Variants in HEATR6 observed in about 807,000 individuals in gnomAD.
HEATR6 encodes the protein HEAT repeat-containing protein 6.
HEATR6 carries 106 observed loss-of-function variants against 132.8 expected under a neutral mutation model. That is an observed-to-expected ratio of 0.80 (90% confidence interval 0.68 to 0.94). The LOEUF is 0.94. HEATR6 is among the 40% of genes least tolerant of loss of function. The pLI is 0.00. For missense variants in HEATR6, 1,339 were observed against 1,425.1 expected (o/e 0.94, Z 0.97); for synonymous variants, 529 against 537.8 (o/e 0.98, Z 0.23).
chr17:60,049,524 AG>A, intron 16 of HEATR6, 55 bp downstream of exon 16: 1 of 1,601,260 alleles, frequency 6.2e-7, no homozygotes, highest in Non-Finnish European at 8.5e-7. Flanking sequence ...TCCACAAAAT[AG>A]GGGTGTCATG....
chr17:60,050,878 A>G lies in HEATR6; in HGVS notation c.2389T>C (p.Ser797Pro). Residue 797 changes from serine (S) to proline (P), a missense_variant, in exon 15 of 20, where the codon TCT becomes CCT. Physicochemically the swap from Ser to Pro is moderately conservative, Grantham distance 74. Transcript: ENST00000184956. ...CTGAAGGCCTCTGGCAAGATGGAAG[A>G]CAGGGCATCACAGGCGCTCGCCTGG... Reference protein sequence around the residue: ...TLQASACDALSSILPEAFSNL... With the variant: ...TLQASACDALPSILPEAFSNL... 6.2e-7 allele frequency: 1 copy of G among 1,614,226 alleles called. No homozygotes were observed. The highest frequency in any genetic ancestry group is 1.1e-5 in the South Asian group (1 of 91,090).
chr17:60,055,660 A>T (rs911358923), intron 13 of HEATR6, 59 bp from the exon 14 acceptor site: 1 of 1,196,082 alleles, frequency 8.4e-7, no homozygotes, highest in African/African-American at 1.5e-5. Context: ...ACTTCACTTG[A>T]GTAACACCTT....
chr17:60,070,664 T>A (rs2083265509), intron 6 of HEATR6, 42 bp downstream of exon 6: 5 of 1,168,286 alleles, frequency 4.3e-6, no homozygotes, highest in Non-Finnish European at 6.5e-6. Flanking sequence ...GTACCATGGG[T>A]TGAAACAGGA....
intron 12 of HEATR6, 42 bp downstream of exon 12, chr17:60,057,006 T>C (rs1382246512): frequency 2.1e-6 from 3 of 1,429,138 alleles, no homozygotes; most frequent in African/African-American, 1.4e-5. Context: ...GAAGGAGGAA[T>C]GGTTACTTCC....
At chr17:60,064,829 A>C (rs740646) in intron 9 of HEATR6, 1 of 152,148 alleles carries the variant, frequency 6.6e-6, no homozygotes, top group East Asian at 1.9e-4. Flanking sequence ...TGAAGATATA[A>C]ACATCATGAA....
rs779880073 is a variant in HEATR6, at chr17:60,050,943, G to T, written c.2324C>A (p.Pro775His). ...TGAATTCTGCAGGGCTCTGGGTAAA[G>T]GACCGTTCAGCATCATAGTCCAGAA... ...VMFWTMMLNGPLPRALQNSEH... is the reference protein window; with the variant it reads ...VMFWTMMLNGHLPRALQNSEH... Residue 775 changes from proline (P) to histidine (H), a missense_variant, in exon 15 of 20, where the codon CCT becomes CAT. Transcript: ENST00000184956. The T allele has an allele frequency of 8.1e-6, 13 of 1,614,170 alleles. No individual in the cohort carries two copies. The highest frequency in any genetic ancestry group is 1.7e-5 in the Admixed American group (1 of 60,014).
intron 6 of HEATR6, 63 bp from the exon 7 acceptor site, chr17:60,069,911 C>A: frequency 6.4e-7 from 1 of 1,573,936 alleles, no homozygotes; most frequent in Non-Finnish European, 8.7e-7. Flanking sequence ...TAATCATAAA[C>A]CATTAATCAT....
intron 1 of HEATR6, 105 bp downstream of exon 1, chr17:60,078,591 A>G: frequency 1.1e-6 from 1 of 877,576 alleles, no homozygotes; most frequent in Non-Finnish European, 1.7e-6. Flanking sequence ...AAACTAAATC[A>G]TCAGGCGCGA....
intron 14 of HEATR6, among the ~76,000 whole-genome samples, chr17:60,054,606 T>C (rs1906685187): frequency 6.6e-6 from 1 of 152,254 alleles, no homozygotes; most frequent in East Asian, 1.9e-4. Flanking sequence ...TCTGTCCTGC[T>C]GGGTTTTGGA....
chr17:60,044,058 G>A lies in HEATR6; in HGVS notation c.3051C>T (p.Arg1017=). 1 of 1,614,210 alleles carries A rather than the reference G, an allele frequency of 6.2e-7. No individual in the cohort carries two copies. The highest frequency in any genetic ancestry group is 2.2e-5 in the East Asian group (1 of 44,894). The part of the protein sequence containing the change: ...VVTSCKNFKV[R]IRSAAALSVP... ...CGGAAAGGGCAGCTGCAGATCTGAT[G>A]CGCACTTTGAAGTTCTTGCATGATG... Residue 1017 remains arginine (R), a synonymous_variant, in exon 20 of 20, where the codon CGC becomes CGT. Coordinates refer to ENST00000184956, the MANE Select transcript of HEATR6 (RefSeq NM_022070.5).
chr17:60,052,497 A>C (rs556197071), intron 14 of HEATR6, among the ~76,000 whole-genome samples: 1 of 152,292 alleles, frequency 6.6e-6, no homozygotes, highest in East Asian at 1.9e-4. Context: ...TCTATCTAGC[A>C]AAGGGAGAAG....
chr17:60,063,840 G>A (rs1183746160), intron 9 of HEATR6: 1 of 152,172 alleles, frequency 6.6e-6, no homozygotes, highest in Admixed American at 6.6e-5. Context: ...CTGGCTAAGA[G>A]GAACTCCAGC....
Position 60,057,259 on chromosome 17 carries a change from G to A in HEATR6, c.1868C>T (p.Pro623Leu). The A allele has an allele frequency of 6.2e-7, 1 of 1,614,198 alleles. No individual in the cohort carries two copies. Among genetic ancestry groups the A allele is most frequent in the Non-Finnish European group, 8.5e-7 (1 of 1,180,034 alleles). ...AGGGGCTTTCTTCCACCAATCAGGA[G>A]GGCTGAGGTGAGGGGTTGCTGAATT... ...NSNSATPHLS[P>L]PDWWKKAPAG... The change falls in exon 12 of 20, where the codon CCT (proline) becomes CTT (leucine). Residue 623 changes from proline to leucine, a missense_variant. Coordinates refer to ENST00000184956, the MANE Select transcript of HEATR6 (RefSeq NM_022070.5).
At chr17:60,052,788 G>A (rs1906625216) in intron 14 of HEATR6, among the ~76,000 whole-genome samples, 1 of 152,198 alleles carries the variant, frequency 6.6e-6, no homozygotes, top group Non-Finnish European at 1.5e-5. Context: ...CTGGCACAGT[G>A]TAGGGGTAGC....
intron 8 of HEATR6, 54 bp downstream of exon 8, chr17:60,067,380 A>C: frequency 7.6e-7 from 1 of 1,317,240 alleles, no homozygotes; most frequent in South Asian, 1.6e-5. Context: ...TTAAGTTATA[A>C]ACTTACATGC....
chr17:60,075,273 C>T lies in HEATR6; in HGVS notation c.327+857G>A, dbSNP rs572727532. 2.4e-4 allele frequency among the ~76,000 whole-genome samples: 37 copies of T among 152,126 alleles called. 1 individual carries two copies. The highest frequency in any genetic ancestry group is 4.1e-4 in the Non-Finnish European group (28 of 68,032). On this transcript the variant is annotated intron_variant, in intron 2 of 19. Transcript: ENST00000184956. Reference sequence around the variant, plus strand: ...CTGAGGATAACCCACATGCTGAGGACGGTGAAGGGAAAGATGAGCCTCTTA... The same window carrying T: ...CTGAGGATAACCCACATGCTGAGGATGGTGAAGGGAAAGATGAGCCTCTTA...
At chr17:60,045,361 G>A (rs950296860) in intron 19 of HEATR6, among the ~76,000 whole-genome samples, 1 of 152,234 alleles carries the variant, frequency 6.6e-6, no homozygotes, top group African/African-American at 2.4e-5. Flanking sequence ...ATCTGAGAGA[G>A]AGAGATGCAA....
intron 9 of HEATR6, among the ~76,000 whole-genome samples, chr17:60,061,943 T>C (rs893320823): frequency 6.6e-6 from 1 of 152,228 alleles, no homozygotes; most frequent in Non-Finnish European, 1.5e-5. Context: ...AATGAACTAA[T>C]GTTCCAAAAG....
chr17:60,072,097 T>C, intron 5 of HEATR6, 118 bp downstream of exon 5: 2 of 434,100 alleles, frequency 4.6e-6, no homozygotes, highest in East Asian at 3.5e-5. Flanking sequence ...AAACATTTCA[T>C]ATATGTGTAT....
Sources: allele counts gnomAD v4.1 joint callset (sites outside exome capture counted in the v4.1 genomes callset), GRCh38; gene constraint gnomAD v4.1.1; transcripts MANE v1.5; gene names NCBI Gene and HGNC (gene_info 2026-07-23, HGNC 2026-07-21).